The following RS1 variants were observed in gnomAD, a reference collection of about 807,000 sequenced individuals.
RS1 encodes the protein retinoschisin 1, also known as retinoschisin.
In RS1, 2 loss-of-function variants were observed where a neutral mutation model predicts 20.8. That is an observed-to-expected ratio of 0.10 (90% CI 0.04 to 0.30). The LOEUF (loss-of-function observed/expected upper bound fraction) is 0.30. Ranked by LOEUF, RS1 falls within the 10% of genes least tolerant of loss-of-function variation. The pLI is 1.00. For missense variants in RS1, 151 were observed against 189.8 expected, an observed-to-expected ratio of 0.80 and a Z score of 1.20; for synonymous variants, 70 against 75.8, an observed-to-expected ratio of 0.92 and a Z score of 0.40.
chrX:18,653,305 G>A, intron 3 of RS1: 1 of 1,134,738 alleles, frequency 8.8e-7, no homozygotes, highest in Non-Finnish European at 1.2e-6. Context: ...TAGCATTAAA[G>A]TGAAGATTAG....
chrX:18,653,729 G>A, intron 3 of RS1: 1 of 578,866 alleles, frequency 1.7e-6, no homozygotes. Context: ...AGCACTTTGG[G>A]AGGCCGAGCA....
At chrX:18,660,744 T>G (rs1363807600) in intron 1 of RS1, among the ~76,000 whole-genome samples, 1 of 112,236 alleles carries the variant, frequency 8.9e-6, no homozygotes, top group African/African-American at 3.2e-5. Context: ...CTGCAACCAC[T>G]TTTTTTGTGT....
rs1927549158 is a variant in RS1, at chrX:18,640,870, T to C, written c.*1134A>G. 8.9e-6 allele frequency: 1 copy of C among 112,519 alleles called. No individual in the cohort carries two copies. Among genetic ancestry groups the C allele is most frequent in the African/African-American group, 3.2e-5 (1 of 30,834 alleles). The allele number at this position is 112,519 out of a possible 1,213,427, so 9.3% of individuals were successfully genotyped here. A position where few individuals can be genotyped will look rare whatever the true frequency, so the allele number is the denominator to read the frequency against. ...AGGGGCCTGGAAACTCAGGCTGCGC[T>C]CTAAGTGGCCAATGAGGCCTCCCAA... On this transcript the variant is annotated 3_prime_UTR_variant, in exon 6 of 6. Coordinates refer to ENST00000379984, the MANE Select transcript of RS1 (RefSeq NM_000330.4).
Position 18,651,264 on chromosome X carries a change from T to TGAGA in RS1, c.185-3936_185-3933dup, listed in dbSNP as rs1191836877. ...GTGTGTGTGTGTGTGTGTGTGTGTG[T>TGAGA]GAGAGAGAGAGAGAGAGAGAGAGAC... On this transcript the variant is annotated intron_variant, in intron 3 of 5. Coordinates refer to ENST00000379984, the MANE Select transcript of RS1 (RefSeq NM_000330.4). Among the ~76,000 whole-genome samples the TGAGA allele has an allele frequency of 1.8e-3, 124 of 68,988 alleles. 2 individuals are homozygous for TGAGA. The highest frequency in any genetic ancestry group is 8.0e-3 in the Middle Eastern group (1 of 125). The allele number at this position is 68,988 out of a possible 115,157, so 59.9% of individuals were successfully genotyped here. A position where few individuals can be genotyped will look rare whatever the true frequency, so the allele number is the denominator to read the frequency against.
At chrX:18,664,800 G>A (rs767351812) in intron 1 of RS1, among the ~76,000 whole-genome samples, 52 of 110,715 alleles carry the variant, frequency 4.7e-4, no homozygotes, top group Non-Finnish European at 5.5e-4. Flanking sequence ...CTGCAGCCTC[G>A]ACCTCCTGGG....
chrX:18,651,363 C>T (rs1381750976), intron 3 of RS1, among the ~76,000 whole-genome samples: 1 of 109,354 alleles, frequency 9.1e-6, no homozygotes, highest in African/African-American at 3.3e-5. Flanking sequence ...GCTTATGGAC[C>T]TGGAAGATCT....
chrX:18,666,799 G>A (rs946854383), intron 1 of RS1, among the ~76,000 whole-genome samples: 4 of 110,884 alleles, frequency 3.6e-5, no homozygotes, highest in South Asian at 3.8e-4. Flanking sequence ...TGGCAGGGGT[G>A]GGGGTGTGAA....
At chrX:18,671,975 T>C in intron 1 of RS1, 42 bp downstream of exon 1, 1 of 1,054,216 alleles carries the variant, frequency 9.5e-7, no homozygotes, top group Non-Finnish European at 1.3e-6. Context: ...TTAAATTATG[T>C]ATTAAGTATG....
chrX:18,647,621 G>A, intron 3 of RS1: 1 of 337,340 alleles, frequency 3.0e-6, no homozygotes, highest in Non-Finnish European at 5.2e-6. Flanking sequence ...GGAATTTTGA[G>A]AAATACTTCA....
chrX:18,666,715 T>A (rs190895400), intron 1 of RS1, among the ~76,000 whole-genome samples: 25 of 110,280 alleles, frequency 2.3e-4, no homozygotes, highest in Admixed American at 1.2e-3. Context: ...GTGGTGGCAG[T>A]GGAAGTGTTA....
intron 3 of RS1, among the ~76,000 whole-genome samples, chrX:18,651,406 AG>A (rs1310754481): frequency 7.2e-5 from 8 of 110,963 alleles, no homozygotes; most frequent in African/African-American, 2.6e-4. Context: ...ATTGCCCAAG[AG>A]AAGGAGGTCA....
chrX:18,666,794 G>A (rs1305211305), intron 1 of RS1, among the ~76,000 whole-genome samples: 1 of 110,817 alleles, frequency 9.0e-6, no homozygotes, highest in African/African-American at 3.3e-5. Flanking sequence ...ACGCGTGGCA[G>A]GGGTGGGGGT....
chrX:18,652,466 C>T (rs764738253), intron 3 of RS1, among the ~76,000 whole-genome samples: 7 of 111,675 alleles, frequency 6.3e-5, no homozygotes, highest in East Asian at 5.6e-4. Context: ...GTCAGGAGTT[C>T]GAGACCAGCC....
intron 3 of RS1, among the ~76,000 whole-genome samples, chrX:18,651,266 A>T (rs12216985): frequency 0.045 from 3,224 of 71,204 alleles, 78 homozygotes; most frequent in East Asian, 0.12. Context: ...TGTGTGTGTG[A>T]GAGAGAGAGA....
intron 1 of RS1, among the ~76,000 whole-genome samples, chrX:18,658,776 A>AATCTTC (rs1163513187): frequency 1.9e-4 from 16 of 84,119 alleles, no homozygotes; most frequent in Non-Finnish European, 3.3e-4. Context: ...TCTTTTATTA[A>AATCTTC]ATCTTCATCA....
intron 3 of RS1, among the ~76,000 whole-genome samples, chrX:18,648,860 T>C (rs960167769): frequency 9.1e-6 from 1 of 109,778 alleles, no homozygotes; most frequent in African/African-American, 3.3e-5. Context: ...GAGGATCACT[T>C]GAGCCCAGGA....
chrX:18,667,814 G>A (rs1381379231), intron 1 of RS1, among the ~76,000 whole-genome samples: 4 of 111,169 alleles, frequency 3.6e-5, no homozygotes, highest in Admixed American at 9.7e-5. Context: ...CTCCCCTCCC[G>A]CAGAAAGCAT....
At chrX:18,650,649 C>G (rs762173324) in intron 3 of RS1, 8 of 1,149,050 alleles carry the variant, frequency 7.0e-6, no homozygotes, top group Middle Eastern at 2.4e-4. Context: ...CGGAATTGCC[C>G]GAGGAGCTGT....
intron 3 of RS1, among the ~76,000 whole-genome samples, chrX:18,655,767 C>T (rs1928201146): frequency 1.8e-5 from 2 of 110,135 alleles, no homozygotes; most frequent in South Asian, 7.7e-4. Flanking sequence ...GGGGGCTGGG[C>T]AATGGGAGGG....
Sources: allele counts gnomAD v4.1 joint callset (sites outside exome capture counted in the v4.1 genomes callset), GRCh38; gene constraint gnomAD v4.1.1; transcripts MANE v1.5; gene names NCBI Gene and HGNC (gene_info 2026-07-23, HGNC 2026-07-21).